Variants in TBC1D5 observed in about 807,000 individuals in gnomAD.
TBC1D5 encodes TBC1 domain family member 5.
A neutral mutation model predicts 100.3 loss-of-function variants in TBC1D5; 75 were observed. The ratio of observed to expected loss-of-function variants is 0.75; its 90% confidence interval spans 0.62 to 0.91. The LOEUF is 0.91. Among genes scored for constraint, TBC1D5 ranks in the 40% least tolerant of loss-of-function variants. The pLI, the probability that TBC1D5 is intolerant of heterozygous loss-of-function variation, is 0.00. For synonymous variants in TBC1D5, 323 were observed against 325.6 expected (o/e 0.99, Z 0.09); for missense variants, 910 against 942.4 (o/e 0.97, Z 0.45).
intron 1 of TBC1D5, among the ~76,000 whole-genome samples, chr3:17,631,598 C>A (rs889928794): frequency 2.0e-5 from 3 of 152,180 alleles, no homozygotes; most frequent in Non-Finnish European, 4.4e-5. Flanking sequence ...TTCAAAGATT[C>A]AAAGGACAGG....
At chr3:17,527,523 A>G (rs1167670481) in intron 2 of TBC1D5, among the ~76,000 whole-genome samples, 1 of 152,196 alleles carries the variant, frequency 6.6e-6, no homozygotes, top group African/African-American at 2.4e-5. Flanking sequence ...TATTCTTTAG[A>G]AAGATCACAA....
chr3:17,248,886 G>C (rs1427058348), intron 16 of TBC1D5, among the ~76,000 whole-genome samples: 1 of 152,126 alleles, frequency 6.6e-6, no homozygotes, highest in Non-Finnish European at 1.5e-5. Flanking sequence ...AATTATCATA[G>C]ATACATCTTC....
chr3:17,166,526 G>A (rs112141934), intron 21 of TBC1D5, among the ~76,000 whole-genome samples: 9 of 152,184 alleles, frequency 5.9e-5, no homozygotes, highest in East Asian at 1.9e-4. Flanking sequence ...TGCTGCACAC[G>A]GGTTTGTAGG....
At chr3:17,292,105 A>G (rs773049780) in intron 14 of TBC1D5, 104 bp from the exon 15 acceptor site, 21 of 922,918 alleles carry the variant, frequency 2.3e-5, no homozygotes, top group Non-Finnish European at 3.1e-5. Flanking sequence ...AAGCAAACCA[A>G]TAACTCAACT....
intron 13 of TBC1D5, among the ~76,000 whole-genome samples, chr3:17,345,455 CT>C: frequency 6.6e-6 from 1 of 152,036 alleles, no homozygotes; most frequent in Non-Finnish European, 1.5e-5. Context: ...AATAGGAACA[CT>C]TTTACACTGT....
At chr3:17,329,608 G>C (rs1009075484) in intron 13 of TBC1D5, among the ~76,000 whole-genome samples, 2 of 152,124 alleles carry the variant, frequency 1.3e-5, no homozygotes, top group Admixed American at 1.3e-4. Context: ...AGTGAGTTAC[G>C]AAGTATATTT....
chr3:17,527,692 C>A (rs971289718), intron 2 of TBC1D5, among the ~76,000 whole-genome samples: 2 of 151,884 alleles, frequency 1.3e-5, no homozygotes, highest in African/African-American at 4.8e-5. Context: ...AAAAAGCAAC[C>A]ACCACAGAAA....
At chr3:17,625,208 T>C (rs913301926) in intron 1 of TBC1D5, among the ~76,000 whole-genome samples, 5 of 151,936 alleles carry the variant, frequency 3.3e-5, no homozygotes, top group African/African-American at 4.8e-5. Context: ...TGTCTTATTG[T>C]TTTTTTAATA....
exon 1 of TBC1D5, chr3:17,740,406 G>T (rs1223870435): frequency 6.6e-6 from 1 of 151,602 alleles, no homozygotes; most frequent in Non-Finnish European, 1.5e-5. Flanking sequence ...CGCTTCAGAA[G>T]TACTGTCATA....
exon 15 of TBC1D5, chr3:17,291,946 G>A (rs746982383): frequency 1.7e-5 from 28 of 1,613,912 alleles, no homozygotes; most frequent in Middle Eastern, 1.7e-4. Context: ...GTACATCCCC[G>A]ATGAATGGGT....
At chr3:17,162,585 CTGT>C (rs1264096603) in intron 21 of TBC1D5, among the ~76,000 whole-genome samples, 1 of 152,228 alleles carries the variant, frequency 6.6e-6, no homozygotes, top group African/African-American at 2.4e-5. Context: ...GGTTCTAAAG[CTGT>C]TGTTAACATT....
intron 13 of TBC1D5, among the ~76,000 whole-genome samples, chr3:17,324,552 A>G (rs1173011273): frequency 6.6e-6 from 1 of 152,056 alleles, no homozygotes; most frequent in African/African-American, 2.4e-5. Flanking sequence ...GCTTAGGCAG[A>G]AGAATTGCTT....
intron 1 of TBC1D5, among the ~76,000 whole-genome samples, chr3:17,698,934 C>T (rs2072641819): frequency 7.1e-6 from 1 of 140,908 alleles, no homozygotes; most frequent in Non-Finnish European, 1.6e-5. Flanking sequence ...AACACTTTTA[C>T]ACTGTTGGTG....
chr3:17,385,815 C>T (rs972931771), intron 8 of TBC1D5, among the ~76,000 whole-genome samples: 26 of 151,876 alleles, frequency 1.7e-4, no homozygotes, highest in African/African-American at 6.0e-4. Flanking sequence ...TGATGATCTC[C>T]CAGGCAGTCC....
intron 15 of TBC1D5, among the ~76,000 whole-genome samples, chr3:17,274,518 C>A (rs1349779208): frequency 1.3e-5 from 2 of 152,096 alleles, no homozygotes; most frequent in African/African-American, 4.8e-5. Context: ...TCAATTAGAA[C>A]CTTTATGAGA....
intron 1 of TBC1D5, among the ~76,000 whole-genome samples, chr3:17,668,822 C>A (rs1245949295): frequency 6.6e-6 from 1 of 152,162 alleles, no homozygotes; most frequent in East Asian, 1.9e-4. Flanking sequence ...CTTTCCTCCC[C>A]ACTTTCTGTG....
Position 17,508,579 on chromosome 3 carries a change from C to A in TBC1D5, c.-9G>T, listed in dbSNP as rs749814723. ...GATAAGGAATGATACATTGTGGGAACTGGACAGCGTCACCAAAAGTAACTA... is the reference window on the plus strand; with the variant it reads ...GATAAGGAATGATACATTGTGGGAAATGGACAGCGTCACCAAAAGTAACTA... On this transcript the variant is annotated 5_prime_UTR_variant, in exon 3 of 22. Coordinates refer to ENST00000253692, the Ensembl canonical transcript of TBC1D5. The A allele has an allele frequency of 1.1e-5, 18 of 1,607,308 alleles. No homozygotes were observed. The South Asian group carries it at 1.4e-4, about 13-fold the overall frequency.
chr3:17,479,205 G>C (rs2095472736), intron 3 of TBC1D5, among the ~76,000 whole-genome samples: 1 of 152,114 alleles, frequency 6.6e-6, no homozygotes, highest in Non-Finnish European at 1.5e-5. Context: ...TTCAAGACCA[G>C]ACTGGGCAAA....
intron 1 of TBC1D5, among the ~76,000 whole-genome samples, chr3:17,657,572 T>C (rs1220154850): frequency 6.6e-6 from 1 of 152,046 alleles, no homozygotes; most frequent in Non-Finnish European, 1.5e-5. Context: ...GCTGACCTCG[T>C]GATCTGCCCG....
Sources: gnomAD v4.1 joint callset for allele counts (sites outside exome capture counted in the v4.1 genomes callset) on GRCh38, gnomAD v4.1.1 for gene constraint, MANE v1.5 for transcripts, NCBI Gene and HGNC (gene_info 2026-07-23, HGNC 2026-07-21) for gene names.